GRIK4: variants seen among roughly 807,000 people sequenced by gnomAD.
GRIK4 encodes the protein glutamate ionotropic receptor kainate type subunit 4.
Under a neutral mutation model 104.9 loss-of-function variants are expected in GRIK4, and 40 were observed. The observed-to-expected ratio is 0.38, with a 90% confidence interval of 0.30 to 0.50. GRIK4 has a LOEUF of 0.50. Among genes scored for constraint, GRIK4 ranks in the 20% least tolerant of loss-of-function variants. The pLI is 0.93. For synonymous variants in GRIK4, 485 were observed against 524.9 expected (o/e 0.92, Z 1.04); for missense variants, 1,047 against 1,308.1 (o/e 0.80, Z 3.08).
intron 11 of GRIK4, among the ~76,000 whole-genome samples, chr11:120,895,637 C>T (rs1361750477): frequency 6.6e-6 from 1 of 152,174 alleles, no homozygotes; most frequent in Admixed American, 6.5e-5. Context: ...CAAGAAAGAT[C>T]ACAGAATTAG....
Position 120,940,257 on chromosome 11 carries a change from C to T in GRIK4, c.1477-90C>T, listed in dbSNP as rs1442106033. 2 of 738,828 alleles carry T rather than the reference C, an allele frequency of 2.7e-6. No homozygotes were observed. Among genetic ancestry groups the T allele is most frequent in the Non-Finnish European group, 2.4e-6 (1 of 421,110 alleles). The allele number at this position is 738,828 out of a possible 1,614,324, so 45.8% of individuals were successfully genotyped here. A position where few individuals can be genotyped will look rare whatever the true frequency, so the allele number is the denominator to read the frequency against. ...GCAAGAAGCCAGACCAGCATCACAT[C>T]TCCAATAGCAGTGACGGTTGCTGGT... On this transcript the variant is annotated intron_variant, in intron 13 of 20. Coordinates refer to ENST00000527524, the MANE Select transcript of GRIK4 (RefSeq NM_014619.5). The surrounding 1 kb of genome is among the most constrained non-coding windows in gnomAD (Gnocchi z 4.3).
intron 1 of GRIK4, among the ~76,000 whole-genome samples, chr11:120,523,407 T>A (rs1947818928): frequency 6.6e-6 from 1 of 151,952 alleles, no homozygotes; most frequent in South Asian, 2.1e-4. Flanking sequence ...CCTCAGCTCC[T>A]TTGGGGAGGG....
chr11:120,543,114 A>G (rs1263720170), intron 1 of GRIK4, among the ~76,000 whole-genome samples: 1 of 152,184 alleles, frequency 6.6e-6, no homozygotes, highest in Admixed American at 6.5e-5. Flanking sequence ...ATTATGGAAA[A>G]CAGTATGGGG....
intron 3 of GRIK4, among the ~76,000 whole-genome samples, chr11:120,736,689 G>A (rs956466015): frequency 1.3e-5 from 2 of 152,042 alleles, no homozygotes; most frequent in African/African-American, 4.8e-5. Context: ...CAAAAGAATG[G>A]AAATACATAG....
intron 3 of GRIK4, among the ~76,000 whole-genome samples, chr11:120,728,630 G>A (rs1428194248): frequency 6.6e-6 from 1 of 151,796 alleles, no homozygotes; most frequent in African/African-American, 2.4e-5. Flanking sequence ...AATTTTTGTG[G>A]GTACATAGTA....
Position 120,986,126 on chromosome 11 carries a change from G to C in GRIK4, c.2737G>C (p.Ala913Pro), listed in dbSNP as rs1309282154. 6.6e-7 allele frequency: 1 copy of C among 1,520,688 alleles called. No homozygotes were observed. The highest frequency in any genetic ancestry group is 2.0e-5 in the Admixed American group (1 of 50,050). The allele number at this position is 1,520,688 out of a possible 1,614,324, so 94.2% of individuals were successfully genotyped here. The change falls in exon 21 of 21, where the codon GCC becomes CCC. Residue 913 changes from alanine to proline, a missense_variant. Physicochemically the swap from Ala to Pro is conservative, Grantham distance 27. Transcript: ENST00000527524. Reference protein sequence around the residue: ...QRLAQEAALVARGCTHIRVCP... With the variant: ...QRLAQEAALVPRGCTHIRVCP... ...ACTGGCGCAGGAGGCCGCCCTGGTG[G>C]CCCGCGGCTGCACGCACATCCGCGT...
At chr11:120,601,551 G>A (rs1411982138) in intron 1 of GRIK4, among the ~76,000 whole-genome samples, 1 of 151,948 alleles carries the variant, frequency 6.6e-6, no homozygotes, top group African/African-American at 2.4e-5. Flanking sequence ...GTGTGGGGGG[G>A]CGCAAAATTG....
intron 9 of GRIK4, among the ~76,000 whole-genome samples, chr11:120,867,673 G>A (rs1954461367): frequency 6.6e-6 from 1 of 152,040 alleles, no homozygotes; most frequent in African/African-American, 2.4e-5. Context: ...TGAGAGAGGA[G>A]TGGCTGAACT....
chr11:120,925,991 GAAAAA>G (rs963666021), intron 13 of GRIK4, among the ~76,000 whole-genome samples: 35 of 149,862 alleles, frequency 2.3e-4, no homozygotes, highest in Admixed American at 9.3e-4. Flanking sequence ...AAAAAAGAAA[GAAAAA>G]AAAGAAAAAG....
intron 11 of GRIK4, among the ~76,000 whole-genome samples, chr11:120,881,387 A>C (rs1954963860): frequency 6.6e-6 from 1 of 152,130 alleles, no homozygotes; most frequent in Non-Finnish European, 1.5e-5. Flanking sequence ...CACTTTCCTT[A>C]GACCATGGAT....
At position 120,895,957 on chromosome 11, in the gene GRIK4, A is replaced by T. The variant is rs1172710119; in HGVS notation, c.1165-2575A>T. ...GGCCTGGCTGGTCCCTTTAAGAGACAATAGGAGCTCCCAAGGCCAGAGGAG... is the reference window on the plus strand; with the variant it reads ...GGCCTGGCTGGTCCCTTTAAGAGACTATAGGAGCTCCCAAGGCCAGAGGAG... On this transcript the variant is annotated intron_variant, in intron 11 of 20. Coordinates refer to ENST00000527524, the MANE Select transcript of GRIK4 (RefSeq NM_014619.5). Among the ~76,000 whole-genome samples the T allele has an allele frequency of 2.0e-5, 3 of 152,174 alleles. No homozygotes were observed. In the East Asian group the frequency reaches 5.8e-4, roughly 29 times the overall value.
chr11:120,561,266 C>T lies in GRIK4; in HGVS notation c.-159+49379C>T, dbSNP rs568413391. Among the ~76,000 whole-genome samples the T allele has an allele frequency of 9.2e-5, 14 of 152,228 alleles. No homozygotes were observed. The East Asian group carries it at 2.1e-3, about 23-fold the overall frequency. On this transcript the variant is annotated intron_variant, in intron 1 of 20. Transcript: ENST00000527524. ...GGTGGGTTGCTGCGGGTCATCAGCC[C>T]GGCTGACTTGGAAATCCAGAAGGTT...
At chr11:120,972,658 C>T (rs549523444) in intron 19 of GRIK4, among the ~76,000 whole-genome samples, 15 of 152,028 alleles carry the variant, frequency 9.9e-5, no homozygotes, top group South Asian at 2.1e-4. Context: ...TTCTGGGAGC[C>T]GGAGAGAGGC....
intron 3 of GRIK4, among the ~76,000 whole-genome samples, chr11:120,697,442 C>T (rs1217714844): frequency 6.6e-6 from 1 of 152,050 alleles, no homozygotes; most frequent in African/African-American, 2.4e-5. Flanking sequence ...ATGGTGAAAC[C>T]CCGTCTCTAC....
chr11:120,823,079 G>A (rs918669433), intron 6 of GRIK4, among the ~76,000 whole-genome samples: 6 of 152,114 alleles, frequency 3.9e-5, no homozygotes, highest in Non-Finnish European at 7.3e-5. Context: ...CTGAACTGGT[G>A]TACCCTGTGT....
chr11:120,711,003 G>GT lies in GRIK4; in HGVS notation c.82+50603_82+50604insT, dbSNP rs769960883. Among the ~76,000 whole-genome samples the GT allele has an allele frequency of 4.0e-5, 6 of 149,910 alleles. 1 individual carries two copies. The highest frequency in any genetic ancestry group is 1.0e-4 in the African/African-American group (4 of 39,748). ...CTCGCTTGCCCCTGTGAGGTGGGGA[G>GT]GGGGTGTGAGCAGCTGCAGGGCCCT... is the stretch of plus-strand genomic sequence containing the variant. On this transcript the variant is annotated intron_variant, in intron 3 of 20. Coordinates refer to ENST00000527524, the MANE Select transcript of GRIK4 (RefSeq NM_014619.5).
At chr11:120,937,612 GGAAT>G (rs1254246457) in intron 13 of GRIK4, among the ~76,000 whole-genome samples, 13 of 152,318 alleles carry the variant, frequency 8.5e-5, no homozygotes, top group Admixed American at 3.9e-4. Flanking sequence ...GGGACTGGTG[GGAAT>G]GTGCCAGCAA....
chr11:120,796,926 G>A (rs1041053765), intron 3 of GRIK4, among the ~76,000 whole-genome samples: 1 of 151,990 alleles, frequency 6.6e-6, no homozygotes, highest in Non-Finnish European at 1.5e-5. Flanking sequence ...CACAAGCATG[G>A]GACAAGAATA....
At chr11:120,928,983 G>A (rs1355134737) in intron 13 of GRIK4, among the ~76,000 whole-genome samples, 4 of 148,188 alleles carry the variant, frequency 2.7e-5, no homozygotes, top group Non-Finnish European at 5.9e-5. Context: ...GTGTGTGTGT[G>A]TGTGTGCGCG....
Sources: allele counts gnomAD v4.1 joint callset (sites outside exome capture counted in the v4.1 genomes callset), GRCh38; gene constraint gnomAD v4.1.1; non-coding constraint Gnocchi (gnomAD v3.1); transcripts MANE v1.5; gene names NCBI Gene and HGNC (gene_info 2026-07-23, HGNC 2026-07-21).